Variants in RBFOX1 observed in about 807,000 individuals in gnomAD.
The protein encoded by RBFOX1 is RNA binding fox-1 homolog 1, also known as RNA binding protein fox-1 homolog 1.
RBFOX1 carries 8 observed loss-of-function variants against 57.7 expected under a neutral mutation model. The ratio of observed to expected loss-of-function variants is 0.14; its 90% CI spans 0.08 to 0.25. RBFOX1 has a LOEUF of 0.25. Among genes scored for constraint, RBFOX1 ranks in the 10% least tolerant of loss-of-function variants. RBFOX1 has a pLI of 1.00. For synonymous variants in RBFOX1, 326 were observed against 222.4 expected, an observed-to-expected ratio of 1.47 and a Z score of -4.15; for missense variants, 611 against 548.5, an observed-to-expected ratio of 1.11 and a Z score of -1.14.
intron 2 of RBFOX1, among the ~76,000 whole-genome samples, chr16:5,523,939 G>A (rs561451123): frequency 7.2e-5 from 11 of 152,138 alleles, no homozygotes; most frequent in South Asian, 4.2e-4. Flanking sequence ...GCGCCCCTCC[G>A]CACCCTCCCC....
intron 2 of RBFOX1, among the ~76,000 whole-genome samples, chr16:6,606,772 G>A (rs2097936297): frequency 6.6e-6 from 1 of 152,074 alleles, no homozygotes; most frequent in African/African-American, 2.4e-5. Context: ...GGGCATTTTG[G>A]TTGACTCCAC....
rs1034973610 is a variant in RBFOX1 at position 7,624,446 on chromosome 16, T to A, written c.677-6157T>A. Among the ~76,000 whole-genome samples the A allele has an allele frequency of 8.5e-5, 13 of 152,340 alleles. No homozygotes were observed. In the East Asian group the frequency reaches 2.5e-3, roughly 29 times the overall value. ...AGAATCATTCTTTTGTTCCTTTTCA[T>A]GTATACATTTGTTACTGAACCTATG... On this transcript the variant is annotated intron_variant, in intron 10 of 15. Coordinates refer to ENST00000550418, the MANE Select transcript of RBFOX1 (RefSeq NM_018723.4).
intron 2 of RBFOX1, among the ~76,000 whole-genome samples, chr16:6,469,865 G>A (rs1229337599): frequency 6.6e-6 from 1 of 152,136 alleles, no homozygotes; most frequent in East Asian, 1.9e-4. Flanking sequence ...GACCTATAGG[G>A]CAGTAGATTT....
chr16:6,063,464 G>GACAC (rs772720519), intron 1 of RBFOX1, among the ~76,000 whole-genome samples: 2,395 of 86,420 alleles, frequency 0.028, 18 homozygotes, highest in Non-Finnish European at 0.034. Flanking sequence ...CTCTTTCTCC[G>GACAC]ACACACACAC....
chr16:6,101,839 C>G (rs2096313201), intron 1 of RBFOX1, among the ~76,000 whole-genome samples: 1 of 152,198 alleles, frequency 6.6e-6, no homozygotes, highest in Admixed American at 6.5e-5. Context: ...TGCCCTTGCC[C>G]TCATCTGCCG....
chr16:5,543,699 C>T (rs1458630965), intron 2 of RBFOX1, among the ~76,000 whole-genome samples: 1 of 151,960 alleles, frequency 6.6e-6, no homozygotes, highest in Non-Finnish European at 1.5e-5. Context: ...AATGAACACA[C>T]AGAAGAGACA....
intron 1 of RBFOX1, among the ~76,000 whole-genome samples, chr16:6,292,298 A>C (rs956419094): frequency 7.2e-5 from 11 of 152,078 alleles, no homozygotes; most frequent in Non-Finnish European, 1.3e-4. Flanking sequence ...TTTTTCCAAT[A>C]AAGTCCCACA....
chr16:5,766,290 T>C (rs2053775153), intron 3 of RBFOX1, among the ~76,000 whole-genome samples: 1 of 151,998 alleles, frequency 6.6e-6, no homozygotes, highest in Admixed American at 6.6e-5. Flanking sequence ...TCATGCACTT[T>C]AAAATACAGA....
chr16:7,430,020 T>C (rs2149557062), intron 4 of RBFOX1, among the ~76,000 whole-genome samples: 1 of 152,318 alleles, frequency 6.6e-6, no homozygotes, highest in South Asian at 2.1e-4. Flanking sequence ...GTCATCATAG[T>C]TTTTCCCCAG....
intron 1 of RBFOX1, among the ~76,000 whole-genome samples, chr16:5,452,127 T>G (rs1246207582): frequency 6.8e-5 from 10 of 147,964 alleles, no homozygotes; most frequent in African/African-American, 2.5e-4. Context: ...TTTTTTTTTT[T>G]TTTTTTTTTG....
chr16:7,502,981 C>G (rs1361116476), intron 4 of RBFOX1, among the ~76,000 whole-genome samples: 1 of 152,068 alleles, frequency 6.6e-6, no homozygotes, highest in Non-Finnish European at 1.5e-5. Context: ...TGAGGTCACA[C>G]CACTGCACTC....
At chr16:7,218,008 GTT>G (rs1603300642) in intron 4 of RBFOX1, among the ~76,000 whole-genome samples, 2 of 151,432 alleles carry the variant, frequency 1.3e-5, no homozygotes, top group South Asian at 2.1e-4. Flanking sequence ...GTGCATGTGT[GTT>G]TGTACGTGTG....
intron 4 of RBFOX1, among the ~76,000 whole-genome samples, chr16:7,170,927 C>G (rs960752426): frequency 1.3e-5 from 2 of 152,162 alleles, no homozygotes; most frequent in African/African-American, 2.4e-5. Flanking sequence ...TTGGGTCTGT[C>G]TTTTATGACT....
At chr16:6,898,988 A>G (rs1026469005) in intron 3 of RBFOX1, among the ~76,000 whole-genome samples, 1 of 145,702 alleles carries the variant, frequency 6.9e-6, no homozygotes, top group Admixed American at 7.1e-5. Flanking sequence ...GTATGTGTGC[A>G]TATATATAAT....
At chr16:6,215,633 C>T (rs1409953183) in intron 1 of RBFOX1, among the ~76,000 whole-genome samples, 1 of 152,086 alleles carries the variant, frequency 6.6e-6, no homozygotes, top group Non-Finnish European at 1.5e-5. Context: ...CTCCATTAAC[C>T]TTGTCTTTTT....
chr16:6,908,701 G>A (rs545000924), intron 3 of RBFOX1, among the ~76,000 whole-genome samples: 3 of 152,256 alleles, frequency 2.0e-5, no homozygotes, highest in South Asian at 2.1e-4. Flanking sequence ...GACGAGGGCA[G>A]GCTCCAGGGT....
chr16:6,619,020 G>T (rs182555172), intron 2 of RBFOX1, among the ~76,000 whole-genome samples: 1 of 152,164 alleles, frequency 6.6e-6, no homozygotes, highest in African/African-American at 2.4e-5. Context: ...GAACTTAATC[G>T]TTTCCCAGGG....
intron 5 of RBFOX1, among the ~76,000 whole-genome samples, chr16:7,524,043 T>C (rs1254328527): frequency 3.9e-5 from 6 of 152,196 alleles, no homozygotes; most frequent in Non-Finnish European, 7.4e-5. Flanking sequence ...ACCTAGGTCA[T>C]TCCCCATAGG....
chr16:6,561,345 C>T (rs915393845), intron 2 of RBFOX1, among the ~76,000 whole-genome samples: 3 of 152,088 alleles, frequency 2.0e-5, no homozygotes, highest in Non-Finnish European at 4.4e-5. Context: ...ACATATTTAC[C>T]TGGTAGTCTG....
Sources: allele counts gnomAD v4.1 joint callset (sites outside exome capture counted in the v4.1 genomes callset), GRCh38; gene constraint gnomAD v4.1.1; transcripts MANE v1.5; gene names NCBI Gene and HGNC (gene_info 2026-07-23, HGNC 2026-07-21).